Variants in UPK1A observed in about 807,000 individuals in gnomAD.
UPK1A encodes the protein uroplakin-1a.
In UPK1A, 31 loss-of-function variants were observed where a neutral mutation model predicts 32.3. That is an observed-to-expected ratio of 0.96 (90% CI 0.72 to 1.30). The LOEUF (loss-of-function observed/expected upper bound fraction) is 1.30. Among genes scored for constraint, UPK1A ranks in the 50% most tolerant of loss-of-function variants. The probability of loss-of-function intolerance (pLI) is 0.00; values close to 1 mark genes in which losing one functional copy is unlikely to be tolerated. For missense variants in UPK1A, 340 were observed against 357.4 expected (o/e 0.95, Z 0.39); for synonymous variants, 135 against 137.1 (o/e 0.98, Z 0.11).
intron 3 of UPK1A, among the ~76,000 whole-genome samples, chr19:35,670,700 C>CCCTT (rs780171547): frequency 7.0e-5 from 7 of 100,120 alleles, no homozygotes; most frequent in Non-Finnish European, 8.5e-5. Context: ...CTCCCTCCCT[C>CCCTT]CCTTCCTTCC....
rs1156300583 is a variant in UPK1A at position 35,677,860 on chromosome 19, A to G, written c.697A>G (p.Ile233Val). 9 of 1,610,432 alleles carry G rather than the reference A, an allele frequency of 5.6e-6. No individual in the cohort carries two copies. In the Admixed American group the frequency reaches 1.2e-4, roughly 21 times the overall value. ...CGCCATCGACAGCTACACGTGGGGT[A>G]TCTCGTGGTTTGGGTTTGCCATCCT... The change falls in exon 7 of 8, where the codon ATC (isoleucine) becomes GTC (valine). Residue 233 changes from isoleucine to valine, a missense_variant. Ile to Val is a conservative substitution (Grantham distance 29, BLOSUM62 3). Transcript: ENST00000617999.
chr19:35,674,666 A>G (rs1164772448), intron 5 of UPK1A, among the ~76,000 whole-genome samples: 1 of 152,158 alleles, frequency 6.6e-6, no homozygotes, highest in Non-Finnish European at 1.5e-5. Flanking sequence ...GGTAGGTCAC[A>G]GAACTGGAAG....
exon 8 of UPK1A, chr19:35,678,139 T>C (rs1968212540): frequency 8.1e-7 from 1 of 1,238,384 alleles, no homozygotes; most frequent in Non-Finnish European, 1.1e-6. Flanking sequence ...AGCCCTTACG[T>C]CCTTCCACTT....
chr19:35,674,798 T>G (rs2146388019), intron 5 of UPK1A, among the ~76,000 whole-genome samples: 1 of 151,834 alleles, frequency 6.6e-6, no homozygotes, highest in Middle Eastern at 3.4e-3. Flanking sequence ...TCCCAACACT[T>G]TGGGAGGCAA....
At chr19:35,669,773 G>A (rs1458124413) in intron 3 of UPK1A, among the ~76,000 whole-genome samples, 2 of 152,154 alleles carry the variant, frequency 1.3e-5, no homozygotes, top group Non-Finnish European at 2.9e-5. Context: ...GGCTCAAAGA[G>A]GCTAACAGCC....
chr19:35,678,269 C>A, exon 8 of UPK1A: 1 of 414,714 alleles, frequency 2.4e-6, no homozygotes. Flanking sequence ...GATCCCACCT[C>A]CCATTCACAG....
At chr19:35,667,018 G>C in intron 2 of UPK1A, 122 bp downstream of exon 2, 1 of 966,250 alleles carries the variant, frequency 1.0e-6, no homozygotes, top group Non-Finnish European at 1.6e-6. Flanking sequence ...GGTCAGCACA[G>C]CCTGGGTTGA....
intron 5 of UPK1A, 149 bp from the exon 6 acceptor site, chr19:35,675,691 C>T (rs1032331066): frequency 5.4e-5 from 46 of 852,086 alleles, no homozygotes; most frequent in African/African-American, 3.3e-4. Flanking sequence ...AGACACCCAC[C>T]GGACACACTC....
At position 35,677,797 on chromosome 19, in the gene UPK1A, C is replaced by G. The variant is rs749563380; in HGVS notation, c.649-15C>G. 1.9e-6 allele frequency: 3 copies of G among 1,611,992 alleles called. No homozygotes were observed. In the East Asian group the frequency reaches 6.7e-5, roughly 36 times the overall value. On this transcript the variant is annotated splice_polypyrimidine_tract_variant and intron_variant, in intron 6 of 7. Coordinates refer to ENST00000617999, the Ensembl canonical transcript of UPK1A. ...CATGGGCGTCTTCTCAAACTTCCCC[C>G]ATCCCCCTGCCCAGGGCTGCTTCGA...
exon 8 of UPK1A, chr19:35,678,269 C>T: frequency 4.8e-6 from 2 of 414,714 alleles, no homozygotes; most frequent in Non-Finnish European, 4.3e-6. Flanking sequence ...GATCCCACCT[C>T]CCATTCACAG....
intron 3 of UPK1A, 23 bp from the exon 4 acceptor site, chr19:35,673,209 C>G: frequency 6.2e-7 from 1 of 1,612,896 alleles, no homozygotes. Context: ...GCCCGACGGG[C>G]CGTCCTCCCT....
At chr19:35,676,214 C>G (rs190358595) in intron 6 of UPK1A, 195 bp downstream of exon 6, 51 of 652,596 alleles carry the variant, frequency 7.8e-5, no homozygotes, top group Non-Finnish European at 1.1e-4. Flanking sequence ...TTTTCAAGAC[C>G]GAGTCCTGCT....
chr19:35,675,475 TTCA>T (rs1315989764), intron 5 of UPK1A, among the ~76,000 whole-genome samples: 4 of 151,706 alleles, frequency 2.6e-5, no homozygotes, highest in Non-Finnish European at 5.9e-5. Context: ...GAGACGGGGT[TTCA>T]TCATGTTGGT....
rs138336912 is a variant in UPK1A, at chr19:35,673,541, T to C, written c.464T>C (p.Ile155Thr). The C allele has an allele frequency of 8.2e-5, 133 of 1,613,180 alleles. 1 individual carries two copies. The African/African-American group carries it at 9.6e-4, about 12-fold the overall frequency. ...ACCCGCCTCTGGGACCGCGTCATGA[T>C]TGAGGTGGGCGGGGTGGACCGGGTG... The change falls in exon 5 of 8, where the codon ATT becomes ACT. Residue 155 changes from isoleucine to threonine, a missense_variant. Coordinates refer to ENST00000617999, the Ensembl canonical transcript of UPK1A.
chr19:35,677,694 A>G, intron 6 of UPK1A, 118 bp from the exon 7 acceptor site: 1 of 1,330,404 alleles, frequency 7.5e-7, no homozygotes, highest in Non-Finnish European at 1.0e-6. Context: ...CCATTGCACA[A>G]GTGAGAAAAC....
intron 3 of UPK1A, among the ~76,000 whole-genome samples, chr19:35,670,739 G>A (rs1968081820): frequency 9.0e-6 from 1 of 111,214 alleles, no homozygotes; most frequent in African/African-American, 3.6e-5. Flanking sequence ...TCTCTAGACA[G>A]GGTCTCACTC....
chr19:35,673,349 AGGGGCGAGGGTCCCGGCGCGGC>A, intron 4 of UPK1A, 43 bp downstream of exon 4: 1 of 1,611,996 alleles, frequency 6.2e-7, no homozygotes, highest in Non-Finnish European at 8.5e-7. Context: ...CCTGCATGGG[AGGGGCGAGGGTCCCGGCGCGGC>A]GGGGCGGAGG....
At chr19:35,669,174 T>C (rs1055762753) in intron 3 of UPK1A, among the ~76,000 whole-genome samples, 1 of 152,000 alleles carries the variant, frequency 6.6e-6, no homozygotes, top group Non-Finnish European at 1.5e-5. Context: ...ATCATGACCC[T>C]GTTTGATGAA....
intron 5 of UPK1A, 82 bp downstream of exon 5, chr19:35,673,627 A>G: frequency 8.0e-7 from 1 of 1,256,286 alleles, no homozygotes; most frequent in Non-Finnish European, 1.1e-6. Context: ...GCCAGCTTTT[A>G]GAGGAGTGAG....
Sources: allele counts gnomAD v4.1 joint callset (sites outside exome capture counted in the v4.1 genomes callset), GRCh38; gene constraint gnomAD v4.1.1; transcripts MANE v1.5; gene names NCBI Gene and HGNC (gene_info 2026-07-23, HGNC 2026-07-21).